Variants in SLC9B2 observed in about 807,000 individuals in gnomAD.
SLC9B2 encodes sodium/hydrogen exchanger 9B2.
Under a neutral mutation model 52.2 loss-of-function variants are expected in SLC9B2, and 39 were observed. That is an observed-to-expected ratio of 0.75 (90% CI 0.58 to 0.98). The LOEUF (loss-of-function observed/expected upper bound fraction) is 0.98, where lower values mean the gene tolerates loss of function less well. Among genes scored for constraint, SLC9B2 ranks in the 50% least tolerant of loss-of-function variants. SLC9B2 has a pLI of 0.00. For missense variants in SLC9B2, 626 were observed against 637.5 expected (o/e 0.98, Z 0.19); for synonymous variants, 214 against 227.0 (o/e 0.94, Z 0.51).
intron 8 of SLC9B2, among the ~76,000 whole-genome samples, chr4:103,044,074 C>T (rs1430373110): frequency 6.6e-6 from 1 of 152,088 alleles, no homozygotes; most frequent in Non-Finnish European, 1.5e-5. Flanking sequence ...TTCTTGATCA[C>T]TTTAGAAAGT....
rs1429044948 is a variant in SLC9B2 at position 103,067,615 on chromosome 4, T to G, written c.-42-23A>C. The G allele has an allele frequency of 3.2e-6, 4 of 1,249,486 alleles. No homozygotes were observed. The South Asian group carries it at 4.8e-5, about 15-fold the overall frequency. The allele number at this position is 1,249,486 out of a possible 1,614,324, so 77.4% of individuals were successfully genotyped here. ...GATCTGTTTTGAAAGAGTATAGATATAGAGCAGTAATTTGAAAGTCTTGTG... is the reference window on the plus strand; with the variant it reads ...GATCTGTTTTGAAAGAGTATAGATAGAGAGCAGTAATTTGAAAGTCTTGTG... On this transcript the variant is annotated intron_variant, in intron 1 of 11. Coordinates refer to ENST00000394785, the MANE Select transcript of SLC9B2 (RefSeq NM_178833.7).
intron 11 of SLC9B2, among the ~76,000 whole-genome samples, chr4:103,027,666 T>C (rs763911998): frequency 1.3e-5 from 2 of 152,146 alleles, no homozygotes; most frequent in Non-Finnish European, 2.9e-5. Context: ...CAGAAACTAC[T>C]AGTTGCTCAC....
At position 103,026,549 on chromosome 4, in the gene SLC9B2, C is replaced by A. The variant is rs754349372; in HGVS notation, c.1435G>T (p.Gly479Ter). 1.9e-6 allele frequency: 3 copies of A among 1,613,712 alleles called. No individual in the cohort carries two copies. The highest frequency in any genetic ancestry group is 4.5e-5 in the East Asian group (2 of 44,884). ...CCATAGTCTTCTAATTGTTTCTCTC[C>A]ATGTGACCTTGCTGTGTCCAAAGCC... ...SVALDTARSH[G>*]EKQLEDYGMD... Residue 479 changes from glycine (G) to a stop codon, truncating the protein, a stop_gained, in exon 12 of 12, where the codon GGA (glycine) becomes TGA (stop). Coordinates refer to ENST00000394785, the MANE Select transcript of SLC9B2 (RefSeq NM_178833.7). LOFTEE classifies it high-confidence loss of function.
At chr4:103,030,495 T>TTG (rs1023025340) in intron 10 of SLC9B2, among the ~76,000 whole-genome samples, 1 of 151,716 alleles carries the variant, frequency 6.6e-6, no homozygotes, top group African/African-American at 2.4e-5. Flanking sequence ...GGTTGGCAGG[T>TTG]TGTGTGATAG....
intron 4 of SLC9B2, among the ~76,000 whole-genome samples, chr4:103,057,389 G>A (rs1745245429): frequency 6.6e-6 from 1 of 151,468 alleles, no homozygotes; most frequent in African/African-American, 2.4e-5. Flanking sequence ...TGACAGCCTC[G>A]ACCTCCTGGG....
At chr4:103,034,097 C>A (rs759186111) in intron 9 of SLC9B2, among the ~76,000 whole-genome samples, 37 of 151,988 alleles carry the variant, frequency 2.4e-4, no homozygotes, top group Non-Finnish European at 4.9e-4. Context: ...GGTACTAGTA[C>A]AAAAACAGAC....
At chr4:103,019,148 C>G (rs1019437842), downstream of SLC9B2, among the ~76,000 whole-genome samples, 1 of 151,670 alleles carries the variant, frequency 6.6e-6, no homozygotes, top group Non-Finnish European at 1.5e-5. Flanking sequence ...GATTAAGGGG[C>G]GTGGATGTGG....
intron 1 of SLC9B2, among the ~76,000 whole-genome samples, chr4:103,073,453 C>A (rs1053801027): frequency 6.6e-6 from 1 of 152,128 alleles, no homozygotes; most frequent in Admixed American, 6.5e-5. Flanking sequence ...AGGAGCCCTA[C>A]CCAGCAATGA....
chr4:103,035,220 A>C (rs1379450082), intron 9 of SLC9B2, among the ~76,000 whole-genome samples: 2 of 152,260 alleles, frequency 1.3e-5, no homozygotes, highest in African/African-American at 4.8e-5. Context: ...CCCACTTATA[A>C]GTGAAAACGT....
chr4:103,046,906 T>G, intron 7 of SLC9B2, 145 bp downstream of exon 7: 1 of 920,282 alleles, frequency 1.1e-6, no homozygotes, highest in Non-Finnish European at 1.6e-6. Context: ...TTCTGGACCC[T>G]CCTTAGGTAC....
At chr4:103,045,042 A>G in intron 7 of SLC9B2, 46 bp from the exon 8 acceptor site, 1 of 1,260,182 alleles carries the variant, frequency 7.9e-7, no homozygotes, top group Non-Finnish European at 1.2e-6. Context: ...TCCAACAAAT[A>G]CACAGGTTTT....
chr4:103,022,088 C>A (rs1236646240), downstream of SLC9B2, among the ~76,000 whole-genome samples: 2 of 152,214 alleles, frequency 1.3e-5, no homozygotes, highest in African/African-American at 4.8e-5. Flanking sequence ...TTGTATTCCT[C>A]ACATTGTCAA....
rs1741855902 is a variant in SLC9B2, at chr4:103,022,446, C to T, written c.*3924G>A. Among the ~76,000 whole-genome samples, 1 of 152,022 alleles carries T rather than the reference C, an allele frequency of 6.6e-6. No homozygotes were observed. The highest frequency in any genetic ancestry group is 1.5e-5 in the Non-Finnish European group (1 of 68,004). ...TATATCTTTCTGAAAATAATACATC[C>T]CCCAAAACTGCAGTACAATTTTAAA... On this transcript the variant is annotated 3_prime_UTR_variant, in exon 12 of 12. Coordinates refer to ENST00000394785, the MANE Select transcript of SLC9B2 (RefSeq NM_178833.7).
At chr4:103,020,029 G>A (rs1271100780), downstream of SLC9B2, 1 of 634,522 alleles carries the variant, frequency 1.6e-6, no homozygotes, top group Non-Finnish European at 2.0e-6. Flanking sequence ...TGGTAGAAGA[G>A]CACGGTCTCT....
intron 3 of SLC9B2, among the ~76,000 whole-genome samples, chr4:103,061,747 C>T (rs985043824): frequency 1.3e-5 from 2 of 152,032 alleles, no homozygotes; most frequent in African/African-American, 4.8e-5. Flanking sequence ...GCTACTTACA[C>T]TTTGGTTTTG....
Position 103,049,035 on chromosome 4 carries a change from T to C in SLC9B2, c.586-15A>G. 1 of 1,611,788 alleles carries C rather than the reference T, an allele frequency of 6.2e-7. No homozygotes were observed. The highest frequency in any genetic ancestry group is 8.5e-7 in the Non-Finnish European group (1 of 1,178,828). On this transcript the variant is annotated splice_polypyrimidine_tract_variant and intron_variant, in intron 5 of 11. Transcript: ENST00000394785. ...TTCTTCAGGGCCTGAAATAGAAAAG[T>C]AGACATCCTAATATAATCCTCTGAA...
At chr4:103,043,579 T>G in intron 8 of SLC9B2, 134 bp from the exon 9 acceptor site, 682 of 663,018 alleles carry the variant, frequency 1.0e-3, no homozygotes, top group Non-Finnish European at 1.5e-3. Context: ...ACAAGTGCAC[T>G]ACATAACATT....
chr4:103,062,079 T>C (rs1745693202), intron 3 of SLC9B2, among the ~76,000 whole-genome samples: 1 of 152,224 alleles, frequency 6.6e-6, no homozygotes, highest in Admixed American at 6.5e-5. Context: ...TACTTTATCA[T>C]AGCATAAACC....
chr4:103,052,234 A>G (rs773332583), intron 4 of SLC9B2, among the ~76,000 whole-genome samples: 3 of 152,152 alleles, frequency 2.0e-5, no homozygotes, highest in Non-Finnish European at 4.4e-5. Flanking sequence ...GGAGCACACA[A>G]CCTAGATTCC....
Sources: gnomAD v4.1 joint callset for allele counts (sites outside exome capture counted in the v4.1 genomes callset) on GRCh38, gnomAD v4.1.1 for gene constraint, MANE v1.5 for transcripts, NCBI Gene and HGNC (gene_info 2026-07-23, HGNC 2026-07-21) for gene names.